Variants in PIP4K2B observed in about 807,000 individuals in gnomAD.
The protein encoded by PIP4K2B is phosphatidylinositol 5-phosphate 4-kinase type-2 beta.
In PIP4K2B, 3 loss-of-function variants were observed where a neutral mutation model predicts 42.0. That is an observed-to-expected ratio of 0.07 (90% CI 0.03 to 0.18). The LOEUF (loss-of-function observed/expected upper bound fraction) is 0.18, where lower values mean the gene tolerates loss of function less well. PIP4K2B is among the 10% of genes least tolerant of loss of function. The pLI is 1.00. For missense variants in PIP4K2B, 332 were observed against 562.3 expected, an observed-to-expected ratio of 0.59 and a Z score of 4.14; for synonymous variants, 204 against 210.1, an observed-to-expected ratio of 0.97 and a Z score of 0.25.
chr17:38,776,104 G>A, intron 7 of PIP4K2B: 1 of 423,714 alleles, frequency 2.4e-6, no homozygotes, highest in Non-Finnish European at 4.7e-6. Flanking sequence ...CCAAGTAGCT[G>A]GGATTACAGG....
chr17:38,776,626 C>T (rs1294759553), intron 7 of PIP4K2B: 2 of 442,820 alleles, frequency 4.5e-6, no homozygotes, highest in African/African-American at 4.1e-5. Flanking sequence ...CGAGAATCTC[C>T]TAAAAAAAAA....
At position 38,769,785 on chromosome 17, in the gene PIP4K2B, G is replaced by C. The variant is rs1298611357; in HGVS notation, c.1171-14C>G. 6.2e-7 allele frequency: 1 copy of C among 1,612,330 alleles called. No individual in the cohort carries two copies. The highest frequency in any genetic ancestry group is 8.5e-7 in the Non-Finnish European group (1 of 1,179,258). ...CTCGGCCCCTGCCTGTAATACACAA[G>C]AGGCTGATTCAGGTTGAGTTCCTGT... On this transcript the variant is annotated splice_polypyrimidine_tract_variant and intron_variant, in intron 9 of 9. Coordinates refer to ENST00000619039, the MANE Select transcript of PIP4K2B (RefSeq NM_003559.5).
chr17:38,777,903 G>C, intron 6 of PIP4K2B, 103 bp from the exon 7 acceptor site: 2 of 800,170 alleles, frequency 2.5e-6, no homozygotes, highest in South Asian at 1.4e-5. Flanking sequence ...GGAAGGAGGG[G>C]TTGTCAGTGT....
chr17:38,789,974 C>A (rs1403701754), intron 1 of PIP4K2B, among the ~76,000 whole-genome samples: 2 of 152,028 alleles, frequency 1.3e-5, no homozygotes, highest in Non-Finnish European at 2.9e-5. Context: ...TGTAAAGGGA[C>A]ATGAGAAGTG....
chr17:38,770,857 A>G (rs868255018), intron 8 of PIP4K2B, among the ~76,000 whole-genome samples, 157 bp downstream of exon 8: 1 of 152,148 alleles, frequency 6.6e-6, no homozygotes, highest in East Asian at 1.9e-4. Flanking sequence ...CCCCAGGTTC[A>G]GGTGGTGACC....
At chr17:38,771,391 A>T in intron 7 of PIP4K2B, 119 bp from the exon 8 acceptor site, 1 of 1,210,538 alleles carries the variant, frequency 8.3e-7, no homozygotes, top group Non-Finnish European at 1.2e-6. Context: ...CAGTTTTGAA[A>T]TTCAACAGAG....
At chr17:38,771,685 G>C (rs1183209517) in intron 7 of PIP4K2B, among the ~76,000 whole-genome samples, 2 of 151,854 alleles carry the variant, frequency 1.3e-5, no homozygotes, top group East Asian at 3.9e-4. Flanking sequence ...GTTAAAGATA[G>C]AACGAGCACT....
intron 3 of PIP4K2B, among the ~76,000 whole-genome samples, chr17:38,782,417 G>A (rs778312694): frequency 6.6e-6 from 1 of 152,214 alleles, no homozygotes; most frequent in Non-Finnish European, 1.5e-5. Context: ...CCCAGGGGAG[G>A]GAAAGGAACC....
At chr17:38,776,637 C>T (rs941893388) in intron 7 of PIP4K2B, 2 of 439,462 alleles carry the variant, frequency 4.6e-6, no homozygotes, top group East Asian at 7.1e-5. Context: ...TAAAAAAAAA[C>T]AAAACAAACA....
rs1910833335 is a variant in PIP4K2B at position 38,799,379 on chromosome 17, G to GCGGCGC, written c.40_45dup (p.Ala14_Pro15dup). On this transcript the variant is annotated inframe_insertion, in exon 1 of 10. Coordinates refer to ENST00000619039, the MANE Select transcript of PIP4K2B (RefSeq NM_003559.5). This position sits in a 1 kb window ranked among gnomAD's most constrained non-coding sequence, Gnocchi z 4.4. ...TTGGTCTTGGTCTTGCTGGCGCTGA[G>GCGGCGC]CGGCGCCACCGCCACCGCCGTGGTG... 6.2e-7 allele frequency: 1 copy of GCGGCGC among 1,606,840 alleles called. No homozygotes were observed. The highest frequency in any genetic ancestry group is 8.5e-7 in the Non-Finnish European group (1 of 1,177,910).
intron 7 of PIP4K2B, among the ~76,000 whole-genome samples, chr17:38,773,497 G>T (rs779452222): frequency 1.3e-5 from 2 of 152,292 alleles, no homozygotes; most frequent in South Asian, 2.1e-4. Context: ...TCAAGACAAA[G>T]TATGGAATGA....
rs1281248393 is a variant in PIP4K2B at position 38,799,177 on chromosome 17, G to C, written c.159+89C>G. On this transcript the variant is annotated intron_variant, in intron 1 of 9. Transcript: ENST00000619039. This position sits in a 1 kb window ranked among gnomAD's most constrained non-coding sequence, Gnocchi z 4.4. ...TTGGCGAGGGGTGGCAGGCGTCACC[G>C]GCAGGGCCTGCGGGGCAAGGGCCCA... The C allele has an allele frequency of 4.4e-6, 6 of 1,362,106 alleles. No homozygotes were observed. Among genetic ancestry groups the C allele is most frequent in the Non-Finnish European group, 5.8e-6 (6 of 1,038,432 alleles). 84.4% of individuals were successfully genotyped at this position (1,362,106 alleles called of 1,614,324 possible). A position where few individuals can be genotyped will look rare whatever the true frequency, so the allele number is the denominator to read the frequency against.
At position 38,798,978 on chromosome 17, in the gene PIP4K2B, C is replaced by T. The variant is rs563945675; in HGVS notation, c.159+288G>A. ...CGACTCCACTGCACTGAGGCCTTGC[C>T]TTTGCGCTCCATGGGCTGCCCCAAG... is the stretch of plus-strand genomic sequence containing the variant. On this transcript the variant is annotated intron_variant, in intron 1 of 9. Transcript: ENST00000619039. Among the ~76,000 whole-genome samples, 9 of 152,332 alleles carry T rather than the reference C, an allele frequency of 5.9e-5. No homozygotes were observed. In the South Asian group the frequency reaches 1.7e-3, roughly 28 times the overall value.
intron 7 of PIP4K2B, 50 bp from the exon 8 acceptor site, chr17:38,771,322 A>G: frequency 6.2e-7 from 1 of 1,603,906 alleles, no homozygotes; most frequent in Non-Finnish European, 8.5e-7. Context: ...GTTACACAGG[A>G]CATCCCAGTG....
Position 38,795,905 on chromosome 17 carries a change from G to T in PIP4K2B, c.159+3361C>A, listed in dbSNP as rs549007892. Among the ~76,000 whole-genome samples the T allele has an allele frequency of 2.7e-3, 407 of 151,832 alleles. 1 individual carries two copies. The highest frequency in any genetic ancestry group is 6.9e-3 in the Middle Eastern group (2 of 290). On this transcript the variant is annotated intron_variant, in intron 1 of 9. Transcript: ENST00000619039. ...TGTAATCCCAGCACTTTGGGAGGCC[G>T]AGGCAGGTGGATCACCTGAGGTCAG...
At chr17:38,788,351 ACAC>A (rs1910155759) in intron 1 of PIP4K2B, among the ~76,000 whole-genome samples, 1 of 151,904 alleles carries the variant, frequency 6.6e-6, no homozygotes, top group East Asian at 2.0e-4. Flanking sequence ...CAGGTGCCCG[ACAC>A]CACACCTGGC....
At chr17:38,793,281 T>C (rs1448821144) in intron 1 of PIP4K2B, among the ~76,000 whole-genome samples, 1 of 149,300 alleles carries the variant, frequency 6.7e-6, no homozygotes, top group Non-Finnish European at 1.5e-5. Context: ...GTTTTGCTCG[T>C]CACCCAGGCT....
At chr17:38,774,958 G>A (rs1205597321) in intron 7 of PIP4K2B, among the ~76,000 whole-genome samples, 1 of 151,710 alleles carries the variant, frequency 6.6e-6, no homozygotes, top group African/African-American at 2.4e-5. Context: ...GTGTGTGTGT[G>A]TGTGTTTTTG....
chr17:38,793,494 T>A (rs1218323726), intron 1 of PIP4K2B, among the ~76,000 whole-genome samples: 1 of 151,866 alleles, frequency 6.6e-6, no homozygotes, highest in South Asian at 2.1e-4. Context: ...TCCGCCCACC[T>A]TGGCCTCCCT....
Sources: gnomAD v4.1 joint callset for allele counts (sites outside exome capture counted in the v4.1 genomes callset) on GRCh38, gnomAD v4.1.1 for gene constraint, Gnocchi (gnomAD v3.1) non-coding constraint, MANE v1.5 for transcripts, NCBI Gene and HGNC (gene_info 2026-07-23, HGNC 2026-07-21) for gene names.